Variants in KCNIP4 observed in about 807,000 individuals in gnomAD.
KCNIP4 encodes potassium voltage-gated channel interacting protein 4, also known as Kv channel-interacting protein 4.
KCNIP4 carries 12 observed loss-of-function variants against 34.0 expected under a neutral mutation model. The ratio of observed to expected loss-of-function variants is 0.35; its 90% CI spans 0.23 to 0.57. The LOEUF (loss-of-function observed/expected upper bound fraction) is 0.57. KCNIP4 is among the 20% of genes least tolerant of loss of function. KCNIP4 has a pLI of 0.83. For missense variants in KCNIP4, 238 were observed against 311.7 expected, an observed-to-expected ratio of 0.76 and a Z score of 1.78; for synonymous variants, 124 against 102.2, an observed-to-expected ratio of 1.21 and a Z score of -1.29.
intron 1 of KCNIP4, among the ~76,000 whole-genome samples, chr4:20,894,144 G>A (rs932974997): frequency 6.6e-6 from 1 of 152,200 alleles, no homozygotes. Flanking sequence ...GCCTCCCAAA[G>A]TGCTGGGATT....
At chr4:21,917,387 G>C (rs1214974400) in intron 1 of KCNIP4, among the ~76,000 whole-genome samples, 1 of 152,000 alleles carries the variant, frequency 6.6e-6, no homozygotes, top group African/African-American at 2.4e-5. Flanking sequence ...CACCCACCTT[G>C]GCCTCCCAAA....
intron 1 of KCNIP4, among the ~76,000 whole-genome samples, chr4:21,081,907 G>A (rs1746040755): frequency 6.6e-6 from 1 of 151,714 alleles, no homozygotes; most frequent in Non-Finnish European, 1.5e-5. Context: ...ACAAATGGAG[G>A]AAATATGTTT....
chr4:21,227,785 G>T (rs1293949634), intron 1 of KCNIP4, among the ~76,000 whole-genome samples: 3 of 152,066 alleles, frequency 2.0e-5, no homozygotes, highest in African/African-American at 4.8e-5. Context: ...TGAAGCTGGG[G>T]GTTCAGAAAG....
chr4:21,452,393 T>C (rs552116805), intron 1 of KCNIP4, among the ~76,000 whole-genome samples: 2 of 146,978 alleles, frequency 1.4e-5, no homozygotes, highest in Admixed American at 6.8e-5. Flanking sequence ...GTTTGAGTCT[T>C]TCCTACTGCC....
intron 1 of KCNIP4, among the ~76,000 whole-genome samples, chr4:21,417,383 TA>T (rs1161470964): frequency 1.3e-5 from 2 of 150,726 alleles, no homozygotes; most frequent in African/African-American, 2.4e-5. Flanking sequence ...GTAAGAAGAT[TA>T]AAAAAAATAA....
At chr4:21,820,942 G>T (rs1340317888) in intron 1 of KCNIP4, among the ~76,000 whole-genome samples, 2 of 152,140 alleles carry the variant, frequency 1.3e-5, no homozygotes, top group East Asian at 1.9e-4. Flanking sequence ...AACTGAACAT[G>T]GTTATCACTG....
At chr4:21,538,011 CAAAAAAAAA>C (rs71191517) in intron 1 of KCNIP4, among the ~76,000 whole-genome samples, 18 of 51,270 alleles carry the variant, frequency 3.5e-4, no homozygotes, top group African/African-American at 1.1e-3. Flanking sequence ...GATTCCGTCT[CAAAAAAAAA>C]AAAAAAAAAA....
At chr4:21,614,069 C>A (rs1444515642) in intron 1 of KCNIP4, among the ~76,000 whole-genome samples, 3 of 150,616 alleles carry the variant, frequency 2.0e-5, no homozygotes, top group African/African-American at 7.3e-5. Flanking sequence ...AGCTTAAACT[C>A]AAGAGATGGA....
At chr4:21,568,335 A>T (rs1740081981) in intron 1 of KCNIP4, among the ~76,000 whole-genome samples, 1 of 152,116 alleles carries the variant, frequency 6.6e-6, no homozygotes, top group African/African-American at 2.4e-5. Context: ...TATGAAAAGG[A>T]GATATTTGGA....
chr4:21,603,654 A>G (rs1274902050), intron 1 of KCNIP4, among the ~76,000 whole-genome samples: 3 of 152,170 alleles, frequency 2.0e-5, no homozygotes, highest in Admixed American at 6.5e-5. Context: ...CTGAGTGGCC[A>G]TGAATCTTCC....
chr4:21,506,429 C>A (rs1293343942), intron 1 of KCNIP4, among the ~76,000 whole-genome samples: 4 of 152,144 alleles, frequency 2.6e-5, no homozygotes, highest in African/African-American at 9.7e-5. Context: ...ATGCAGAGTT[C>A]TTAAAACAAT....
chr4:21,720,762 T>C (rs777985792), intron 1 of KCNIP4, among the ~76,000 whole-genome samples: 4 of 146,636 alleles, frequency 2.7e-5, no homozygotes, highest in African/African-American at 1.0e-4. Context: ...TTCCCACCTA[T>C]GCGGTGTTTG....
rs112400450 is a variant in KCNIP4 at position 21,088,264 on chromosome 4, G to T, written c.62-205555C>A. ...GAATTGCCTGGAACTGAGGCGTCTT[G>T]TGGGAGGTAGAACTTTTAAAGCTAA... On this transcript the variant is annotated intron_variant, in intron 1 of 8. Transcript: ENST00000382152. 1.7e-3 allele frequency among the ~76,000 whole-genome samples: 252 copies of T among 152,030 alleles called. 1 individual carries two copies. The highest frequency in any genetic ancestry group is 3.1e-3 in the Non-Finnish European group (212 of 68,030).
intron 1 of KCNIP4, among the ~76,000 whole-genome samples, chr4:21,710,702 G>C (rs1157358986): frequency 6.6e-6 from 1 of 152,154 alleles, no homozygotes; most frequent in Non-Finnish European, 1.5e-5. Context: ...AAGGACTAAA[G>C]TTGGGCAAGC....
intron 1 of KCNIP4, among the ~76,000 whole-genome samples, chr4:21,820,285 G>GTA (rs869204752): frequency 0.017 from 359 of 20,592 alleles, 4 homozygotes; most frequent in African/African-American, 0.031. Flanking sequence ...GTGTGTGTGT[G>GTA]TATATATATA....
intron 1 of KCNIP4, among the ~76,000 whole-genome samples, chr4:21,494,896 T>C (rs949631194): frequency 6.6e-6 from 1 of 152,148 alleles, no homozygotes; most frequent in African/African-American, 2.4e-5. Flanking sequence ...TTATAATTAA[T>C]CACAATTCAA....
Position 21,365,706 on chromosome 4 carries a change from C to A in KCNIP4, c.62-482997G>T, listed in dbSNP as rs1471331090. Among the ~76,000 whole-genome samples, 3 of 151,870 alleles carry A rather than the reference C, an allele frequency of 2.0e-5. No homozygotes were observed. In the East Asian group the frequency reaches 5.8e-4, roughly 29 times the overall value. ...ATTCTGTTCCCGTTGTTGTTATTAA[C>A]CTTGGCAGCAAAAATTTATCTACAA... On this transcript the variant is annotated intron_variant, in intron 1 of 8. Coordinates refer to ENST00000382152, the MANE Select transcript of KCNIP4 (RefSeq NM_025221.6).
intron 3 of KCNIP4, among the ~76,000 whole-genome samples, chr4:20,792,878 C>A (rs1421940674): frequency 6.6e-6 from 1 of 152,130 alleles, no homozygotes; most frequent in Non-Finnish European, 1.5e-5. Flanking sequence ...GTTTATAGGA[C>A]ACTTGAGCAG....
At position 20,779,579 on chromosome 4, in the gene KCNIP4, C is replaced by A. The variant is rs866759983; in HGVS notation, c.289-20689G>T. 7.7e-3 allele frequency among the ~76,000 whole-genome samples: 879 copies of A among 113,840 alleles called. 15 individuals are homozygous for A. The highest frequency in any genetic ancestry group is 0.027 in the African/African-American group (834 of 30,960). 74.7% of individuals were successfully genotyped at this position (113,840 alleles called of 152,430 possible). ...TACAAGTCCCCCCTGCCCCACAACC[C>A]CCCCCCCCCACACAAAAAAGAAATG... On this transcript the variant is annotated intron_variant, in intron 3 of 8. Coordinates refer to ENST00000382152, the MANE Select transcript of KCNIP4 (RefSeq NM_025221.6).
Sources: gnomAD v4.1 joint callset for allele counts (sites outside exome capture counted in the v4.1 genomes callset) on GRCh38, gnomAD v4.1.1 for gene constraint, MANE v1.5 for transcripts, NCBI Gene and HGNC (gene_info 2026-07-23, HGNC 2026-07-21) for gene names.